The following ZNF850 variants were observed in gnomAD, a reference collection of about 807,000 sequenced individuals.
ZNF850 encodes putative zinc finger protein ENSP00000330994.
ZNF850 carries 2 observed loss-of-function variants against 11.9 expected under a neutral mutation model. The observed-to-expected ratio is 0.17, with a 90% CI of 0.07 to 0.53. ZNF850 has a LOEUF of 0.53. Ranked by LOEUF, ZNF850 falls within the 20% of genes least tolerant of loss-of-function variation. The pLI is 0.94. For synonymous variants in ZNF850, 381 were observed against 443.0 expected (o/e 0.86, Z 1.76); for missense variants, 1,014 against 1,316.4 (o/e 0.77, Z 3.55).
In ZNF850 at chr19:36,743,804, A is replaced by G. The variant is rs1247911784; in HGVS notation, c.*3963T>C. 1 of 152,228 alleles carries G rather than the reference A, an allele frequency of 6.6e-6. No homozygotes were observed. The highest frequency in any genetic ancestry group is 1.9e-4 in the East Asian group (1 of 5,202). The allele number at this position is 152,228 out of a possible 1,614,324, so 9.4% of individuals were successfully genotyped here. A position where few individuals can be genotyped will look rare whatever the true frequency, so the allele number is the denominator to read the frequency against. On this transcript the variant is annotated 3_prime_UTR_variant, in exon 5 of 5. Coordinates refer to ENST00000591344, the MANE Select transcript of ZNF850 (RefSeq NM_001193552.2). Reference sequence around the variant, plus strand: ...TAAAGACACACCAGGTACAAGAGAAAAACTCAATGTCGTAAAGATGTCAAT... The same window carrying G: ...TAAAGACACACCAGGTACAAGAGAAGAACTCAATGTCGTAAAGATGTCAAT...
Position 36,748,524 on chromosome 19 carries a change from T to C in ZNF850, c.2516A>G (p.Lys839Arg). ...CCCACATTCTTTACAACTGTAGCGT[T>C]TCTCACCAGTGTGAACTGGCCGATG... ...IQHRPVHTGE[K>R]RYSCKECGKS... The change falls in exon 5 of 5, where the codon AAA becomes AGA. Residue 839 changes from lysine to arginine, a missense_variant. Physicochemically the swap from Lys to Arg is conservative, Grantham distance 26. Around this residue, in one of 2 missense-constraint regions of ZNF850, gnomAD observed 835 missense variants for 1,022.0 expected, o/e 0.82. Coordinates refer to ENST00000591344, the MANE Select transcript of ZNF850 (RefSeq NM_001193552.2). The C allele has an allele frequency of 6.5e-7, 1 of 1,537,790 alleles. No individual in the cohort carries two copies. The highest frequency in any genetic ancestry group is 8.7e-7 in the Non-Finnish European group (1 of 1,147,038).
Position 36,750,530 on chromosome 19 carries a change from A to G in ZNF850, c.510T>C (p.Tyr170=). The part of the protein sequence containing the change: ...HHRIHPGEKL[Y]KSTECMAFKY... ...TAAAAGCCATACATTCTGTGGATTT[A>G]TACAGTTTCTCTCCAGGATGAATCC... The change falls in exon 5 of 5, where the codon TAT becomes TAC. Residue 170 remains tyrosine (Y), a synonymous_variant. Coordinates refer to ENST00000591344, the MANE Select transcript of ZNF850 (RefSeq NM_001193552.2). The G allele has an allele frequency of 6.5e-7, 1 of 1,536,226 alleles. No individual in the cohort carries two copies. The highest frequency in any genetic ancestry group is 1.2e-5 in the South Asian group (1 of 84,070).
chr19:36,756,904 G>C (rs535601423), intron 4 of ZNF850, among the ~76,000 whole-genome samples: 1 of 152,220 alleles, frequency 6.6e-6, no homozygotes, highest in Non-Finnish European at 1.5e-5. Context: ...GTGAGCCACC[G>C]AGCCTGGCCT....
At chr19:36,764,893 C>T (rs1486743232) in intron 1 of ZNF850, among the ~76,000 whole-genome samples, 1 of 151,962 alleles carries the variant, frequency 6.6e-6, no homozygotes, top group African/African-American at 2.4e-5. Context: ...CACTGTGTTG[C>T]TGAGGCTGGT....
At chr19:36,757,508 T>C (rs1308462257) in intron 4 of ZNF850, among the ~76,000 whole-genome samples, 7 of 144,486 alleles carry the variant, frequency 4.8e-5, no homozygotes, top group African/African-American at 7.6e-5. Flanking sequence ...AGTTTCTTTT[T>C]TTTTTTTTTT....
intron 1 of ZNF850, among the ~76,000 whole-genome samples, chr19:36,768,205 CA>C (rs35717572): frequency 1.6e-3 from 222 of 135,410 alleles, no homozygotes; most frequent in East Asian, 0.01. Flanking sequence ...GACCCTGTCT[CA>C]AAAAAAAAAA....
At chr19:36,771,140 C>T (rs1412841948) in intron 1 of ZNF850, among the ~76,000 whole-genome samples, 1 of 152,066 alleles carries the variant, frequency 6.6e-6, no homozygotes, top group Non-Finnish European at 1.5e-5. Flanking sequence ...CTCTCACGGC[C>T]AAGAAAATTA....
chr19:36,760,630 C>T (rs1325039160), intron 4 of ZNF850, among the ~76,000 whole-genome samples: 1 of 151,618 alleles, frequency 6.6e-6, no homozygotes, highest in Non-Finnish European at 1.5e-5. Flanking sequence ...TTTGGGAGAC[C>T]GAGGCAGGTG....
At chr19:36,764,614 C>T (rs1008461103) in intron 1 of ZNF850, among the ~76,000 whole-genome samples, 2 of 152,000 alleles carry the variant, frequency 1.3e-5, no homozygotes, top group Non-Finnish European at 2.9e-5. Context: ...AAAACAAAAT[C>T]TCAAGATACG....
chr19:36,758,659 T>C (rs886716358), intron 4 of ZNF850, among the ~76,000 whole-genome samples: 25 of 152,216 alleles, frequency 1.6e-4, no homozygotes, highest in African/African-American at 6.0e-4. Flanking sequence ...GGTTGTGGCA[T>C]ATCAGATCTT....
chr19:36,753,026 T>G (rs968516262), intron 4 of ZNF850, among the ~76,000 whole-genome samples: 2 of 152,004 alleles, frequency 1.3e-5, no homozygotes, highest in African/African-American at 4.8e-5. Context: ...TCTCAGCACT[T>G]TGGGAGTCTG....
In ZNF850 at chr19:36,771,149, T is replaced by C. The variant is rs118171267; in HGVS notation, c.-70+1576A>G. On this transcript the variant is annotated intron_variant, in intron 1 of 4. Transcript: ENST00000591344. ...TTCTTTCTCTCACGGCCAAGAAAATTAAGGAACAGGGACACAAAGGATGAG... is the reference window on the plus strand; with the variant it reads ...TTCTTTCTCTCACGGCCAAGAAAATCAAGGAACAGGGACACAAAGGATGAG... Among the ~76,000 whole-genome samples, 567 of 152,224 alleles carry C rather than the reference T, an allele frequency of 3.7e-3. 1 individual carries two copies. Among genetic ancestry groups the C allele is most frequent in the Middle Eastern group, 0.017 (5 of 294 alleles).
chr19:36,758,847 G>A (rs1323150500), intron 4 of ZNF850, among the ~76,000 whole-genome samples: 2 of 152,028 alleles, frequency 1.3e-5, no homozygotes, highest in Non-Finnish European at 2.9e-5. Context: ...GGGAGGCCAA[G>A]GCAGGCAGAT....
At position 36,749,786 on chromosome 19, in the gene ZNF850, C is replaced by G; in HGVS notation, c.1254G>C (p.Glu418Asp). 1 of 1,557,928 alleles carries G rather than the reference C, an allele frequency of 6.4e-7. No homozygotes were observed. The highest frequency in any genetic ancestry group is 8.7e-7 in the Non-Finnish European group (1 of 1,154,606). Residue 418 changes from glutamate to aspartate, a missense_variant, in exon 5 of 5, where the codon GAG becomes GAC. This residue lies in a region of ZNF850 where 835 missense variants were observed against 1,022.0 expected (regional missense o/e 0.82). Coordinates refer to ENST00000591344, the MANE Select transcript of ZNF850 (RefSeq NM_001193552.2). ...CACATTCTTTACAATCATAGGGTTT[C>G]TCACCAGTGTGAATTGCCTGGTGTC... ...LIGHQAIHTG[E>D]KPYDCKECGK...
intron 1 of ZNF850, among the ~76,000 whole-genome samples, chr19:36,763,105 G>A (rs994905201): frequency 2.0e-5 from 3 of 151,814 alleles, no homozygotes; most frequent in African/African-American, 4.8e-5. Flanking sequence ...TGGTCAGGCT[G>A]CTCTCAAACT....
chr19:36,770,940 A>G (rs746894813), intron 1 of ZNF850, among the ~76,000 whole-genome samples: 3 of 152,060 alleles, frequency 2.0e-5, no homozygotes, highest in Admixed American at 6.6e-5. Flanking sequence ...CGAGCCCCCA[A>G]TCTCATTCCT....
At chr19:36,767,196 C>T (rs2040554166) in intron 1 of ZNF850, among the ~76,000 whole-genome samples, 1 of 151,652 alleles carries the variant, frequency 6.6e-6, no homozygotes, top group Non-Finnish European at 1.5e-5. Flanking sequence ...AAGACCGTGG[C>T]ACTGCACTGC....
rs1467811406 is a variant in ZNF850, at chr19:36,746,000, C to T, written c.*1767G>A. 1.3e-5 allele frequency: 2 copies of T among 152,196 alleles called. No individual in the cohort carries two copies. Among genetic ancestry groups the T allele is most frequent in the Non-Finnish European group, 2.9e-5 (2 of 68,050 alleles). The allele number at this position is 152,196 out of a possible 1,614,324, so 9.4% of individuals were successfully genotyped here. Reference sequence around the variant, plus strand: ...GTTTTCTCAGCAAGGTCTTTATGACCTGTATCTTATGCTGACCTCATATCT... The same window carrying T: ...GTTTTCTCAGCAAGGTCTTTATGACTTGTATCTTATGCTGACCTCATATCT... On this transcript the variant is annotated 3_prime_UTR_variant, in exon 5 of 5. Transcript: ENST00000591344.
rs1186208375 is a variant in ZNF850, at chr19:36,750,295, C to T, written c.745G>A (p.Asp249Asn). The T allele has an allele frequency of 6.5e-7, 1 of 1,536,760 alleles. No individual in the cohort carries two copies. The highest frequency in any genetic ancestry group is 8.7e-7 in the Non-Finnish European group (1 of 1,146,926). Reference sequence around the variant, plus strand: ...TCCTGACACTCATGAGGTCTCTCATCTGTATACATTTTCTGGTGTTGAATA... The same window carrying T: ...TCCTGACACTCATGAGGTCTCTCATTTGTATACATTTTCTGGTGTTGAATA... ...HLIQHQKMYT[D>N]ERPHECQESV... The change falls in exon 5 of 5, where the codon GAT becomes AAT. Residue 249 changes from aspartate (D) to asparagine (N), a missense_variant. By Grantham distance (23) the Asp-to-Asn change is conservative. Coordinates refer to ENST00000591344, the MANE Select transcript of ZNF850 (RefSeq NM_001193552.2).
Sources: allele counts gnomAD v4.1 joint callset (sites outside exome capture counted in the v4.1 genomes callset), GRCh38; gene constraint gnomAD v4.1.1; regional missense constraint gnomAD v4.1.1; transcripts MANE v1.5; gene names NCBI Gene and HGNC (gene_info 2026-07-23, HGNC 2026-07-21).